The following IPO5 variants were observed in gnomAD, a reference collection of about 807,000 sequenced individuals.
IPO5 encodes importin-5.
In IPO5, 18 loss-of-function variants were observed where a neutral mutation model predicts 143.3. The ratio of observed to expected loss-of-function variants is 0.13; its 90% CI spans 0.09 to 0.19. The LOEUF is 0.19. IPO5 is among the 10% of genes least tolerant of loss of function. The probability of loss-of-function intolerance (pLI) is 1.00; values close to 1 mark genes in which losing one functional copy is unlikely to be tolerated. For synonymous variants in IPO5, 477 were observed against 465.7 expected (o/e 1.02, Z -0.31); for missense variants, 1,013 against 1,336.9 (o/e 0.76, Z 3.78).
chr13:97,992,911 A>G lies in IPO5; in HGVS notation c.689A>G (p.Tyr230Cys), dbSNP rs1887919352. The change falls in exon 10 of 29, where the codon TAC (tyrosine) becomes TGC (cysteine). Residue 230 changes from tyrosine to cysteine, a missense_variant. Transcript: ENST00000651721. Reference sequence around the variant, plus strand: ...TTCTAGGCGGTAAATGACTCGTGCTACCAGAATGATGATTCTGTCCTAAAA... The same window carrying G: ...TTCTAGGCGGTAAATGACTCGTGCTGCCAGAATGATGATTCTGTCCTAAAA... ...GFLQAVNDSC[Y>C]QNDDSVLKSL... 6.2e-7 allele frequency: 1 copy of G among 1,612,574 alleles called. No homozygotes were observed. The highest frequency in any genetic ancestry group is 1.3e-5 in the African/African-American group (1 of 74,898).
chr13:97,989,314 A>G (rs1010365710), intron 7 of IPO5, 150 bp downstream of exon 7: 6 of 501,002 alleles, frequency 1.2e-5, no homozygotes, highest in Non-Finnish European at 2.1e-5. Context: ...ATTGGAAGCA[A>G]TTTTTTTTAA....
intron 4 of IPO5, chr13:97,979,765 C>T: frequency 2.5e-6 from 1 of 405,276 alleles, no homozygotes. Context: ...CTCCTGGCCT[C>T]AAGTGATCCT....
intron 2 of IPO5, among the ~76,000 whole-genome samples, chr13:97,966,133 C>CAAAAAAA (rs34256210): frequency 1.1e-5 from 1 of 89,286 alleles, no homozygotes. Flanking sequence ...GGCCCCCTCT[C>CAAAAAAA]AAAAAAAAAA....
At chr13:97,996,814 G>T (rs936574615) in intron 11 of IPO5, among the ~76,000 whole-genome samples, 3 of 151,908 alleles carry the variant, frequency 2.0e-5, no homozygotes, top group Non-Finnish European at 2.9e-5. Flanking sequence ...GGATGGTCTC[G>T]ATCTTCTGAC....
In IPO5 at chr13:98,023,411, C is replaced by T. The variant is rs1187261756; in HGVS notation, c.*1589C>T. 2.6e-5 allele frequency: 4 copies of T among 152,132 alleles called. No homozygotes were observed. Among genetic ancestry groups the T allele is most frequent in the African/African-American group, 9.7e-5 (4 of 41,422 alleles). The allele number at this position is 152,132 out of a possible 1,614,324, so 9.4% of individuals were successfully genotyped here. ...CCCTTTCTGCTTTCTTATGTAGCAT[C>T]TGCAAAGCCGATTCATGTACTGATG... On this transcript the variant is annotated 3_prime_UTR_variant, in exon 29 of 29. Coordinates refer to ENST00000651721, the MANE Select transcript of IPO5 (RefSeq NM_002271.6).
At position 97,995,649 on chromosome 13, in the gene IPO5, G is replaced by A. The variant is rs188242836; in HGVS notation, c.914-1882G>A. Among the ~76,000 whole-genome samples the A allele has an allele frequency of 4.5e-4, 69 of 152,076 alleles. 1 individual carries two copies. The East Asian group carries it at 0.012, about 26-fold the overall frequency. ...CGGGCGCCTGTAGTCCCAGCTTCTC[G>A]GGAGGCCGAGGCAGGAGAATGGCGT... On this transcript the variant is annotated intron_variant, in intron 11 of 28. Coordinates refer to ENST00000651721, the MANE Select transcript of IPO5 (RefSeq NM_002271.6).
At chr13:98,003,606 T>C (rs547970941) in intron 16 of IPO5, among the ~76,000 whole-genome samples, 3 of 152,152 alleles carry the variant, frequency 2.0e-5, no homozygotes, top group South Asian at 4.2e-4. Flanking sequence ...TCCCAGCACT[T>C]TGGGAGGCTG....
intron 5 of IPO5, among the ~76,000 whole-genome samples, chr13:97,983,460 C>T (rs1178518399): frequency 1.3e-5 from 2 of 151,458 alleles, no homozygotes; most frequent in East Asian, 1.9e-4. Flanking sequence ...ATTACTTTTC[C>T]CTATGGTAAA....
In IPO5 at chr13:97,966,573, T is replaced by C. The variant is rs73556521; in HGVS notation, c.-112-3150T>C. On this transcript the variant is annotated intron_variant, in intron 2 of 28. Coordinates refer to ENST00000651721, the MANE Select transcript of IPO5 (RefSeq NM_002271.6). ...TGTCGATATTGGTCTATAGTTTTTT[T>C]TGTTTTTGGCAGCAGGGCACAACTG... 7.0e-3 allele frequency among the ~76,000 whole-genome samples: 1,071 copies of C among 152,298 alleles called. 18 individuals carry two copies. Among genetic ancestry groups the C allele is most frequent in the African/African-American group, 0.024 (1,003 of 41,566 alleles).
Position 97,982,691 on chromosome 13 carries a change from T to C in IPO5, c.171+108T>C, listed in dbSNP as rs984205338. 32 of 732,616 alleles carry C rather than the reference T, an allele frequency of 4.4e-5. 1 individual carries two copies. The South Asian group carries it at 4.8e-4, about 11-fold the overall frequency. 45.4% of individuals were successfully genotyped at this position (732,616 alleles called of 1,614,324 possible). A position where few individuals can be genotyped will look rare whatever the true frequency, so the allele number is the denominator to read the frequency against. On this transcript the variant is annotated intron_variant, in intron 5 of 28. Coordinates refer to ENST00000651721, the MANE Select transcript of IPO5 (RefSeq NM_002271.6). Reference sequence around the variant, plus strand: ...GAATTGTGATTAACCACATAGACTTTACTAGAACTTTGTACTTATTATTTG... The same window carrying C: ...GAATTGTGATTAACCACATAGACTTCACTAGAACTTTGTACTTATTATTTG...
intron 3 of IPO5, among the ~76,000 whole-genome samples, chr13:97,974,432 G>A (rs920891311): frequency 1.3e-5 from 2 of 151,014 alleles, no homozygotes; most frequent in Non-Finnish European, 2.9e-5. Context: ...TCAGCCTCCC[G>A]AGTAGCTGGG....
At chr13:97,987,813 A>G (rs952286611) in intron 6 of IPO5, among the ~76,000 whole-genome samples, 4 of 152,204 alleles carry the variant, frequency 2.6e-5, no homozygotes, top group Admixed American at 2.6e-4. Flanking sequence ...CTAATTTTGA[A>G]TATTTTTAAA....
intron 11 of IPO5, among the ~76,000 whole-genome samples, chr13:97,995,335 C>T (rs1888182599): frequency 1.3e-5 from 2 of 151,904 alleles, no homozygotes; most frequent in African/African-American, 4.8e-5. Context: ...CACCCTTTCC[C>T]CTGAGTCCCC....
chr13:97,990,598 A>T, intron 9 of IPO5, 61 bp downstream of exon 9: 1 of 902,634 alleles, frequency 1.1e-6, no homozygotes, highest in Non-Finnish European at 1.7e-6. Context: ...AATGCATTCA[A>T]TCATTTATGC....
rs1889833290 is a variant in IPO5, at chr13:98,012,863, C to T, written c.2152+521C>T. On this transcript the variant is annotated intron_variant, in intron 21 of 28. Coordinates refer to ENST00000651721, the MANE Select transcript of IPO5 (RefSeq NM_002271.6). ...GTCTGCCTATGTTGCCCAGGCTGGTCTCAAACTCCTGGGCTCAAGCAGTCC... is the reference window on the plus strand; with the variant it reads ...GTCTGCCTATGTTGCCCAGGCTGGTTTCAAACTCCTGGGCTCAAGCAGTCC... Among the ~76,000 whole-genome samples the T allele has an allele frequency of 2.9e-5, 4 of 137,844 alleles. No homozygotes were observed. The South Asian group carries it at 9.9e-4, about 34-fold the overall frequency. 90.4% of individuals were successfully genotyped at this position (137,844 alleles called of 152,430 possible).
intron 26 of IPO5, among the ~76,000 whole-genome samples, 174 bp from the exon 27 acceptor site, chr13:98,019,397 CCATGCTGGGG>C (rs1890333167): frequency 6.6e-6 from 1 of 152,198 alleles, no homozygotes; most frequent in African/African-American, 2.4e-5. Context: ...GTGCTCCTGT[CCATGCTGGGG>C]CAGTCCCCCC....
chr13:98,015,490 C>G, intron 22 of IPO5, 40 bp from the exon 23 acceptor site: 1 of 1,233,702 alleles, frequency 8.1e-7, no homozygotes, highest in East Asian at 2.3e-5. Context: ...TCCAAACACC[C>G]CAAATCTTAT....
At chr13:98,019,484 A>G in intron 26 of IPO5, 97 bp from the exon 27 acceptor site, 1 of 829,102 alleles carries the variant, frequency 1.2e-6, no homozygotes, top group Non-Finnish European at 1.9e-6. Context: ...ACATTTCTTT[A>G]CCATAATCAA....
chr13:97,994,089 C>T (rs948848325), intron 11 of IPO5, among the ~76,000 whole-genome samples: 1 of 152,180 alleles, frequency 6.6e-6, no homozygotes. Flanking sequence ...GGCAGATCAC[C>T]TGAAGTCAGG....
Sources: gnomAD v4.1 joint callset for allele counts (sites outside exome capture counted in the v4.1 genomes callset) on GRCh38, gnomAD v4.1.1 for gene constraint, MANE v1.5 for transcripts, NCBI Gene and HGNC (gene_info 2026-07-23, HGNC 2026-07-21) for gene names.